Variants in AKAP13 observed in about 807,000 individuals in gnomAD.
AKAP13 encodes the protein A-kinase anchor protein 13.
A neutral mutation model predicts 264.5 loss-of-function variants in AKAP13; 80 were observed. The ratio of observed to expected loss-of-function variants is 0.30; its 90% confidence interval spans 0.25 to 0.36. AKAP13 has a LOEUF of 0.36. Among genes scored for constraint, AKAP13 ranks in the 10% least tolerant of loss-of-function variants. The probability of loss-of-function intolerance (pLI) is 1.00; values close to 1 mark genes in which losing one functional copy is unlikely to be tolerated. For synonymous variants in AKAP13, 1,380 were observed against 1,250.2 expected (o/e 1.10, Z -2.19); for missense variants, 3,712 against 3,435.2 (o/e 1.08, Z -2.01).
At chr15:85,559,601 G>A (rs1477786037) in intron 5 of AKAP13, among the ~76,000 whole-genome samples, 1 of 152,182 alleles carries the variant, frequency 6.6e-6, no homozygotes, top group African/African-American at 2.4e-5. Flanking sequence ...ATGGGAGACA[G>A]TGACAGATCA....
At chr15:85,433,117 G>GTTT (rs199655190) in intron 1 of AKAP13, among the ~76,000 whole-genome samples, 179 of 53,106 alleles carry the variant, frequency 3.4e-3, no homozygotes, top group African/African-American at 9.2e-3. Flanking sequence ...CTTCTGTACA[G>GTTT]TTTTTTTTTT....
chr15:85,736,360 C>T (rs2088500583), intron 33 of AKAP13, among the ~76,000 whole-genome samples: 1 of 152,102 alleles, frequency 6.6e-6, no homozygotes, highest in East Asian at 1.9e-4. Context: ...GAATTGCCTG[C>T]TAAGATGGCC....
intron 5 of AKAP13, among the ~76,000 whole-genome samples, chr15:85,565,284 T>C (rs902204480): frequency 2.6e-5 from 4 of 152,150 alleles, no homozygotes; most frequent in Non-Finnish European, 4.4e-5. Context: ...CTATGGACCT[T>C]CCTGCAGTAT....
intron 33 of AKAP13, among the ~76,000 whole-genome samples, chr15:85,738,262 G>GACCC (rs1176703310): frequency 6.6e-6 from 1 of 151,700 alleles, no homozygotes; most frequent in Non-Finnish European, 1.5e-5. Flanking sequence ...CATGGTGGTG[G>GACCC]ACGCCTGTAA....
chr15:85,517,925 G>C (rs1259368248), intron 2 of AKAP13, among the ~76,000 whole-genome samples: 3 of 152,226 alleles, frequency 2.0e-5, no homozygotes, highest in African/African-American at 7.2e-5. Flanking sequence ...TGTTTCTTAA[G>C]TTCAGATTAT....
At chr15:85,548,359 A>G (rs189936073) in intron 5 of AKAP13, among the ~76,000 whole-genome samples, 1 of 152,324 alleles carries the variant, frequency 6.6e-6, no homozygotes, top group Admixed American at 6.5e-5. Flanking sequence ...CTTATTTGTC[A>G]TACAGATTCT....
rs541844688 is a variant in AKAP13 at position 85,481,590 on chromosome 15, T to C, written c.-11-4120T>C. 3.0e-4 allele frequency among the ~76,000 whole-genome samples: 45 copies of C among 152,374 alleles called. No homozygotes were observed. In the South Asian group the frequency reaches 8.5e-3, roughly 29 times the overall value. Reference sequence around the variant, plus strand: ...TGGAAAATGTGGGAAGAATACAAATTCTTAACTTCTGTGCTTCTGCTTATT... The same window carrying C: ...TGGAAAATGTGGGAAGAATACAAATCCTTAACTTCTGTGCTTCTGCTTATT... On this transcript the variant is annotated intron_variant, in intron 1 of 36. Transcript: ENST00000394518.
intron 2 of AKAP13, among the ~76,000 whole-genome samples, chr15:85,499,853 C>G (rs138737537): frequency 6.6e-6 from 1 of 152,060 alleles, no homozygotes; most frequent in Non-Finnish European, 1.5e-5. Flanking sequence ...GTATGCATGC[C>G]TTTTCCGTTT....
At chr15:85,646,086 A>G in intron 10 of AKAP13, 132 bp downstream of exon 10, 1 of 1,176,482 alleles carries the variant, frequency 8.5e-7, no homozygotes, top group East Asian at 2.4e-5. Flanking sequence ...TCCTGCTAGT[A>G]AGTTGTGATC....
intron 1 of AKAP13, among the ~76,000 whole-genome samples, chr15:85,468,373 C>CT (rs1282326219): frequency 1.3e-5 from 2 of 152,176 alleles, no homozygotes; most frequent in African/African-American, 4.8e-5. Context: ...TAGTTGTCCT[C>CT]TAAGTTTGGA....
chr15:85,570,075 C>CAAA (rs141206000), intron 5 of AKAP13, among the ~76,000 whole-genome samples: 24,880 of 83,042 alleles, frequency 0.3, 4,169 homozygotes, highest in Middle Eastern at 0.43. Flanking sequence ...GACTCCGTCT[C>CAAA]AAAAAAAAAA....
Position 85,708,850 on chromosome 15 carries a change from G to C in AKAP13, c.5532+764G>C, listed in dbSNP as rs2086466704. On this transcript the variant is annotated intron_variant, in intron 18 of 36. Transcript: ENST00000394518. The surrounding 1 kb of genome is among the most constrained non-coding windows in gnomAD (Gnocchi z 4.3). ...TATCTAGTGCCATGACCTCAACCTG[G>C]AATGTGCATCAGAATCAACTCGAGG... Among the ~76,000 whole-genome samples, 2 of 152,232 alleles carry C rather than the reference G, an allele frequency of 1.3e-5. No individual in the cohort carries two copies. The highest frequency in any genetic ancestry group is 4.2e-4 in the South Asian group (2 of 4,816).
chr15:85,386,182 G>GTGTTTTTT (rs957124688), intron 1 of AKAP13, among the ~76,000 whole-genome samples: 13 of 152,042 alleles, frequency 8.6e-5, no homozygotes, highest in Non-Finnish European at 1.3e-4. Context: ...ATGATATCCA[G>GTGTTTTTT]TGTTTTTTTG....
At chr15:85,452,740 C>T (rs1235084549) in intron 1 of AKAP13, among the ~76,000 whole-genome samples, 3 of 152,142 alleles carry the variant, frequency 2.0e-5, no homozygotes, top group Admixed American at 6.5e-5. Flanking sequence ...TGTGGCTCCC[C>T]TATGTTTCCT....
At chr15:85,597,578 G>A (rs1384761250) in intron 8 of AKAP13, among the ~76,000 whole-genome samples, 1 of 152,154 alleles carries the variant, frequency 6.6e-6, no homozygotes, top group African/African-American at 2.4e-5. Context: ...CCTTTGTTGT[G>A]GTTGATGAGC....
chr15:85,454,699 T>G (rs370114892), intron 1 of AKAP13, among the ~76,000 whole-genome samples: 10 of 152,332 alleles, frequency 6.6e-5, no homozygotes, highest in East Asian at 5.8e-4. Flanking sequence ...ACTTACCCAT[T>G]TAAAGTGTAC....
intron 29 of AKAP13, among the ~76,000 whole-genome samples, chr15:85,729,602 G>A (rs2087844043): frequency 6.6e-6 from 1 of 152,086 alleles, no homozygotes; most frequent in Non-Finnish European, 1.5e-5. Flanking sequence ...TGAAGCCATG[G>A]GGATGAATGA....
chr15:85,709,696 TTTTA>T (rs1358047664), intron 18 of AKAP13, among the ~76,000 whole-genome samples: 1 of 149,330 alleles, frequency 6.7e-6, no homozygotes, highest in African/African-American at 2.5e-5. Flanking sequence ...TTTTATTTTA[TTTTA>T]TTTTAGAGAC....
intron 2 of AKAP13, among the ~76,000 whole-genome samples, chr15:85,509,022 T>C (rs1036306657): frequency 8.5e-5 from 13 of 152,188 alleles, no homozygotes; most frequent in African/African-American, 3.1e-4. Flanking sequence ...ACTTTCCCTC[T>C]AATGTTACTT....
Sources: allele counts gnomAD v4.1 joint callset (sites outside exome capture counted in the v4.1 genomes callset), GRCh38; gene constraint gnomAD v4.1.1; non-coding constraint Gnocchi (gnomAD v3.1); transcripts MANE v1.5; gene names NCBI Gene and HGNC (gene_info 2026-07-23, HGNC 2026-07-21).